ARL6: variants seen among roughly 807,000 people sequenced by gnomAD.
ARL6 encodes the protein ADP-ribosylation factor-like protein 6.
In ARL6, 18 loss-of-function variants were observed where a neutral mutation model predicts 27.1. That is an observed-to-expected ratio of 0.66 (90% CI 0.46 to 0.98). The LOEUF (loss-of-function observed/expected upper bound fraction) is 0.98, where lower values mean the gene tolerates loss of function less well. Among genes scored for constraint, ARL6 ranks in the 50% least tolerant of loss-of-function variants. The pLI, the probability that ARL6 is intolerant of heterozygous loss-of-function variation, is 0.00. For synonymous variants in ARL6, 65 were observed against 72.3 expected, an observed-to-expected ratio of 0.90 and a Z score of 0.51; for missense variants, 187 against 214.9, an observed-to-expected ratio of 0.87 and a Z score of 0.81.
Position 97,780,236 on chromosome 3 carries a change from C to T in ARL6, c.185+16C>T, listed in dbSNP as rs2037123584. On this transcript the variant is annotated intron_variant, in intron 3 of 7. Coordinates refer to ENST00000463745, the MANE Select transcript of ARL6 (RefSeq NM_001278293.3). Reference sequence around the variant, plus strand: ...AATCATCCAGGTAATCCACTTTATCCCTTAACAAAAAAGTTGCTAGTGAAA... The same window carrying T: ...AATCATCCAGGTAATCCACTTTATCTCTTAACAAAAAAGTTGCTAGTGAAA... 3.8e-6 allele frequency: 6 copies of T among 1,598,402 alleles called. No homozygotes were observed. The highest frequency in any genetic ancestry group is 1.3e-5 in the African/African-American group (1 of 74,390).
intron 2 of ARL6, among the ~76,000 whole-genome samples, chr3:97,770,011 C>A (rs2036564655): frequency 6.6e-6 from 1 of 152,004 alleles, no homozygotes; most frequent in South Asian, 2.1e-4. Context: ...GCAGGTATCT[C>A]TTTGATACAT....
chr3:97,771,934 C>G (rs1381387212), intron 2 of ARL6, among the ~76,000 whole-genome samples: 1 of 152,004 alleles, frequency 6.6e-6, no homozygotes, highest in African/African-American at 2.4e-5. Context: ...TTCAGTTTTG[C>G]TAGCATTTTG....
intron 4 of ARL6, among the ~76,000 whole-genome samples, chr3:97,783,951 A>G (rs926280209): frequency 6.6e-6 from 1 of 151,984 alleles, no homozygotes; most frequent in East Asian, 1.9e-4. Flanking sequence ...GTAAATTGAT[A>G]TGGCATTTCT....
At chr3:97,768,762 T>C (rs2036504516) in intron 2 of ARL6, among the ~76,000 whole-genome samples, 1 of 152,236 alleles carries the variant, frequency 6.6e-6, no homozygotes, top group East Asian at 1.9e-4. Context: ...TCCTAATTTC[T>C]GGCACCAATT....
rs74537750 is a variant in ARL6, at chr3:97,771,715, A to G, written c.123+3485A>G. Among the ~76,000 whole-genome samples the G allele has an allele frequency of 2.4e-3, 363 of 152,140 alleles. 2 individuals carry two copies. In the East Asian group the frequency reaches 0.027, roughly 11 times the overall value. On this transcript the variant is annotated intron_variant, in intron 2 of 7. Transcript: ENST00000463745. ...TATTGTTTGAGGTATGGTTCTTTTA[A>G]TCCAATTTGTTGAGAGTTTTTGTCA...
At position 97,800,711 on chromosome 3, in the gene ARL6, A is replaced by T. The variant is rs937698120; in HGVS notation, c.*2662A>T. On this transcript the variant is annotated 3_prime_UTR_variant, in exon 8 of 8. Coordinates refer to ENST00000463745, the MANE Select transcript of ARL6 (RefSeq NM_001278293.3). ...TGTCTTATTCATTTCAGGTTGCTAT[A>T]ACAAAGTACCATAGACTGGGTGGCT... The T allele has an allele frequency of 6.6e-6, 1 of 152,168 alleles. No homozygotes were observed. The highest frequency in any genetic ancestry group is 2.4e-5 in the African/African-American group (1 of 41,444). 9.4% of individuals were successfully genotyped at this position (152,168 alleles called of 1,614,324 possible).
chr3:97,788,525 C>CT (rs1250022028), intron 6 of ARL6, among the ~76,000 whole-genome samples: 167 of 147,980 alleles, frequency 1.1e-3, no homozygotes, highest in African/African-American at 3.5e-3. Flanking sequence ...CATGTGACTG[C>CT]TTTTTTTTTT....
At chr3:97,783,315 T>C (rs1398199243) in intron 4 of ARL6, among the ~76,000 whole-genome samples, 3 of 151,820 alleles carry the variant, frequency 2.0e-5, no homozygotes, top group African/African-American at 7.2e-5. Flanking sequence ...TGTATAATTT[T>C]GTATCTTGCT....
At chr3:97,776,786 A>AG in intron 2 of ARL6, among the ~76,000 whole-genome samples, 1 of 152,132 alleles carries the variant, frequency 6.6e-6, no homozygotes, top group South Asian at 2.1e-4. Flanking sequence ...TCTCCTGAGT[A>AG]GCTGGGATTA....
intron 2 of ARL6, among the ~76,000 whole-genome samples, chr3:97,768,465 ATT>A (rs1341501073): frequency 1.2e-4 from 19 of 152,074 alleles, no homozygotes; most frequent in Non-Finnish European, 2.6e-4. Context: ...TTCTTCACAG[ATT>A]TACTGAGTTT....
intron 4 of ARL6, among the ~76,000 whole-genome samples, 177 bp from the exon 5 acceptor site, chr3:97,784,775 CTAA>C (rs1415417294): frequency 2.6e-5 from 4 of 151,582 alleles, no homozygotes; most frequent in Admixed American, 6.6e-5. Context: ...TGAAATATGA[CTAA>C]TGATTAATAT....
At chr3:97,772,406 CTTT>C (rs958618764) in intron 2 of ARL6, among the ~76,000 whole-genome samples, 1 of 150,622 alleles carries the variant, frequency 6.6e-6, no homozygotes, top group Non-Finnish European at 1.5e-5. Flanking sequence ...TTTGGATCCT[CTTT>C]TTTTTTCCTA....
chr3:97,780,071 T>G lies in ARL6; in HGVS notation c.124-88T>G, dbSNP rs561856307. ...CCTATCATCTCCTTAGTGACAGATT[T>G]TAGAAACTGAAAATCTGGATACTTT... is the stretch of plus-strand genomic sequence containing the variant. On this transcript the variant is annotated intron_variant, in intron 2 of 7. Transcript: ENST00000463745. 109 of 1,077,810 alleles carry G rather than the reference T, an allele frequency of 1.0e-4. 2 individuals are homozygous for G. In the South Asian group the frequency reaches 1.1e-3, roughly 11 times the overall value. The allele number at this position is 1,077,810 out of a possible 1,614,324, so 66.8% of individuals were successfully genotyped here.
intron 2 of ARL6, among the ~76,000 whole-genome samples, chr3:97,777,590 T>G (rs2108020239): frequency 6.6e-6 from 1 of 152,332 alleles, no homozygotes; most frequent in South Asian, 2.1e-4. Flanking sequence ...TGGCTAAATC[T>G]GTGGATTTAG....
chr3:97,765,218 G>C (rs2036320401), intron 1 of ARL6, among the ~76,000 whole-genome samples: 1 of 106,772 alleles, frequency 9.4e-6, no homozygotes, highest in South Asian at 2.6e-4. Flanking sequence ...GGGGGTGTGT[G>C]TGTGTGTGTG....
At chr3:97,780,529 A>AT in intron 3 of ARL6, 86 bp from the exon 4 acceptor site, 1 of 1,132,392 alleles carries the variant, frequency 8.8e-7, no homozygotes, top group South Asian at 1.3e-5. Context: ...ATGAAGGGTA[A>AT]TTTCTTTGAT....
intron 1 of ARL6, among the ~76,000 whole-genome samples, chr3:97,767,435 G>A (rs1003575867): frequency 6.6e-5 from 10 of 152,062 alleles, no homozygotes; most frequent in Admixed American, 5.9e-4. Flanking sequence ...TTACAAAGAT[G>A]TATGTATAGG....
rs1268368470 is a variant in ARL6, at chr3:97,780,808, T to TA, written c.254+126dup. The TA allele has an allele frequency of 1.9e-5, 14 of 751,996 alleles. No individual in the cohort carries two copies. In the East Asian group the frequency reaches 2.4e-4, roughly 13 times the overall value. 46.6% of individuals were successfully genotyped at this position (751,996 alleles called of 1,614,324 possible). ...TTTCATGTAATTTATGAACATTTCC[T>TA]ATTTTAAAAAATATGTAATGAGACT... On this transcript the variant is annotated intron_variant, in intron 4 of 7. Coordinates refer to ENST00000463745, the MANE Select transcript of ARL6 (RefSeq NM_001278293.3).
At chr3:97,774,298 T>C (rs989479849) in intron 2 of ARL6, among the ~76,000 whole-genome samples, 2 of 152,168 alleles carry the variant, frequency 1.3e-5, no homozygotes, top group Admixed American at 6.5e-5. Context: ...CCCAGGATTT[T>C]AGTTATAGTT....
Sources: gnomAD v4.1 joint callset for allele counts (sites outside exome capture counted in the v4.1 genomes callset) on GRCh38, gnomAD v4.1.1 for gene constraint, MANE v1.5 for transcripts, NCBI Gene and HGNC (gene_info 2026-07-23, HGNC 2026-07-21) for gene names.